Variants in PDE7B observed in about 807,000 individuals in gnomAD.
PDE7B encodes the protein 3',5'-cyclic-AMP phosphodiesterase 7B.
A neutral mutation model predicts 56.2 loss-of-function variants in PDE7B; 29 were observed. That is an observed-to-expected ratio of 0.52 (90% confidence interval 0.38 to 0.70). The LOEUF is 0.70. Among genes scored for constraint, PDE7B ranks in the 30% least tolerant of loss-of-function variants. PDE7B has a pLI of 0.00. For synonymous variants in PDE7B, 197 were observed against 196.9 expected, an observed-to-expected ratio of 1.00 and a Z score of 0.00; for missense variants, 490 against 565.0, an observed-to-expected ratio of 0.87 and a Z score of 1.35.
chr6:135,866,578 C>A (rs1775265298), intron 1 of PDE7B, among the ~76,000 whole-genome samples: 1 of 152,166 alleles, frequency 6.6e-6, no homozygotes, highest in Non-Finnish European at 1.5e-5. Flanking sequence ...CTCACATTTT[C>A]CATCAAATAT....
intron 1 of PDE7B, among the ~76,000 whole-genome samples, chr6:135,862,034 G>A (rs1305202988): frequency 6.6e-6 from 1 of 151,774 alleles, no homozygotes; most frequent in Non-Finnish European, 1.5e-5. Context: ...CTTTTCCATA[G>A]AGGTAATCAG....
intron 1 of PDE7B, among the ~76,000 whole-genome samples, chr6:135,867,819 A>G (rs1238486059): frequency 6.6e-6 from 1 of 152,240 alleles, no homozygotes; most frequent in Non-Finnish European, 1.5e-5. Flanking sequence ...GTAATAACAA[A>G]GAGTTATCAC....
intron 2 of PDE7B, among the ~76,000 whole-genome samples, chr6:136,100,161 GT>G (rs1349477702): frequency 1.3e-5 from 2 of 152,262 alleles, no homozygotes; most frequent in East Asian, 1.9e-4. Flanking sequence ...GTACCATGCC[GT>G]TTTGGTTACT....
intron 1 of PDE7B, among the ~76,000 whole-genome samples, chr6:135,859,750 A>G (rs1775110026): frequency 6.6e-6 from 1 of 152,086 alleles, no homozygotes; most frequent in Non-Finnish European, 1.5e-5. Flanking sequence ...ATACAAAAAA[A>G]AAATCAAAAC....
chr6:135,871,346 G>A (rs1304419788), intron 1 of PDE7B, among the ~76,000 whole-genome samples: 1 of 152,194 alleles, frequency 6.6e-6, no homozygotes, highest in Non-Finnish European at 1.5e-5. Flanking sequence ...AAAAGCCTGT[G>A]TAACCCACAA....
intron 1 of PDE7B, among the ~76,000 whole-genome samples, chr6:135,853,425 G>A (rs1186578808): frequency 6.6e-6 from 1 of 152,206 alleles, no homozygotes; most frequent in Non-Finnish European, 1.5e-5. Flanking sequence ...GACTTTGTGT[G>A]TTGCAAACGC....
intron 2 of PDE7B, among the ~76,000 whole-genome samples, chr6:136,002,239 C>A (rs1370693111): frequency 1.3e-5 from 2 of 152,170 alleles, no homozygotes; most frequent in African/African-American, 4.8e-5. Context: ...CCAGCCACTG[C>A]AAAATCAAGC....
At chr6:136,186,963 T>C (rs1779154370) in intron 11 of PDE7B, 73 bp from the exon 12 acceptor site, 1 of 821,926 alleles carries the variant, frequency 1.2e-6, no homozygotes. Flanking sequence ...GACGAGGTCA[T>C]TAAAATTATT....
intron 1 of PDE7B, among the ~76,000 whole-genome samples, chr6:135,881,293 C>T (rs377019413): frequency 1.3e-5 from 2 of 148,614 alleles, no homozygotes; most frequent in Non-Finnish European, 3.0e-5. Context: ...GTCAAGAGAT[C>T]GAGACCATCC....
chr6:135,958,429 T>C (rs1208393624), intron 2 of PDE7B, among the ~76,000 whole-genome samples: 1 of 152,166 alleles, frequency 6.6e-6, no homozygotes, highest in Non-Finnish European at 1.5e-5. Context: ...TGTTAGGCTT[T>C]CTATTGGAAG....
chr6:135,976,263 A>G (rs1775185601), intron 2 of PDE7B, among the ~76,000 whole-genome samples: 1 of 152,168 alleles, frequency 6.6e-6, no homozygotes, highest in Non-Finnish European at 1.5e-5. Context: ...AGCATTCTCC[A>G]CAGTTCAACT....
At chr6:136,158,254 T>TAGACCCTATATATAGAC (rs1778643939) in intron 8 of PDE7B, among the ~76,000 whole-genome samples, 1 of 152,220 alleles carries the variant, frequency 6.6e-6, no homozygotes, top group Non-Finnish European at 1.5e-5. Context: ...ATGCACATTT[T>TAGACCCTATATATAGAC]CCTAGGGAGA....
chr6:136,078,806 T>A (rs1176707188), intron 2 of PDE7B, among the ~76,000 whole-genome samples: 1 of 152,158 alleles, frequency 6.6e-6, no homozygotes, highest in African/African-American at 2.4e-5. Context: ...TATACACTCA[T>A]AAAATAGCCT....
At chr6:136,150,514 T>C (rs1778492432) in intron 5 of PDE7B, among the ~76,000 whole-genome samples, 1 of 152,236 alleles carries the variant, frequency 6.6e-6, no homozygotes. Context: ...ATTAGTTGGC[T>C]GCAGAAGCAT....
At chr6:135,889,996 G>A (rs760915948) in intron 1 of PDE7B, among the ~76,000 whole-genome samples, 33 of 151,748 alleles carry the variant, frequency 2.2e-4, no homozygotes, top group Non-Finnish European at 4.3e-4. Flanking sequence ...CAGGTTATCC[G>A]CCCACCTCAG....
At chr6:135,895,243 T>G (rs766512150) in intron 1 of PDE7B, among the ~76,000 whole-genome samples, 6 of 152,178 alleles carry the variant, frequency 3.9e-5, no homozygotes, top group Non-Finnish European at 5.9e-5. Context: ...CATAAGTAAT[T>G]GGGCATCCAC....
chr6:135,959,719 TG>T (rs1317675525), intron 2 of PDE7B, among the ~76,000 whole-genome samples: 5 of 152,172 alleles, frequency 3.3e-5, no homozygotes, highest in African/African-American at 1.2e-4. Context: ...ACTATGATCA[TG>T]TTTTGTATAA....
intron 1 of PDE7B, among the ~76,000 whole-genome samples, chr6:135,926,496 G>A (rs117238331): frequency 0.034 from 5,208 of 151,346 alleles, 114 homozygotes; most frequent in Non-Finnish European, 0.05. Context: ...GGTGGGGGGG[G>A]CTTAGCAAAA....
intron 2 of PDE7B, among the ~76,000 whole-genome samples, chr6:135,977,457 T>C (rs1775207178): frequency 1.3e-5 from 2 of 152,170 alleles, no homozygotes; most frequent in Non-Finnish European, 2.9e-5. Flanking sequence ...AACAGTCTGC[T>C]TTCTCTTGGC....
Sources: gnomAD v4.1 joint callset for allele counts (sites outside exome capture counted in the v4.1 genomes callset) on GRCh38, gnomAD v4.1.1 for gene constraint, MANE v1.5 for transcripts, NCBI Gene and HGNC (gene_info 2026-07-23, HGNC 2026-07-21) for gene names.